RFX2: variants seen among roughly 807,000 people sequenced by gnomAD.
RFX2 encodes the protein DNA-binding protein RFX2.
RFX2 carries 20 observed loss-of-function variants against 87.8 expected under a neutral mutation model. The observed-to-expected ratio is 0.23, with a 90% CI of 0.16 to 0.33. The LOEUF (loss-of-function observed/expected upper bound fraction) is 0.33. RFX2 is among the 10% of genes least tolerant of loss of function. The pLI, the probability that RFX2 is intolerant of heterozygous loss-of-function variation, is 1.00. For synonymous variants in RFX2, 397 were observed against 431.3 expected (o/e 0.92, Z 0.98); for missense variants, 767 against 1,012.3 (o/e 0.76, Z 3.29).
At position 6,035,229 on chromosome 19, in the gene RFX2, C is replaced by G. The variant is rs543330794; in HGVS notation, c.522+4751G>C. Reference sequence around the variant, plus strand: ...GGCCTCATGTGGCCTCTGGGTCTTGCAGGAGGAAGGGCCCACTGAGGGCTG... The same window carrying G: ...GGCCTCATGTGGCCTCTGGGTCTTGGAGGAGGAAGGGCCCACTGAGGGCTG... On this transcript the variant is annotated intron_variant, in intron 5 of 17. Coordinates refer to ENST00000303657, the MANE Select transcript of RFX2 (RefSeq NM_000635.4). Among the ~76,000 whole-genome samples, 5 of 152,208 alleles carry G rather than the reference C, an allele frequency of 3.3e-5. No homozygotes were observed. In the South Asian group the frequency reaches 1.0e-3, roughly 32 times the overall value.
At chr19:6,108,709 G>A (rs2144924170) in intron 1 of RFX2, among the ~76,000 whole-genome samples, 2 of 152,302 alleles carry the variant, frequency 1.3e-5, no homozygotes, top group South Asian at 4.1e-4. Flanking sequence ...AAGCCTGGGG[G>A]GGCGGGGGTA....
chr19:6,060,921 C>T (rs1425752219), intron 1 of RFX2, among the ~76,000 whole-genome samples: 1 of 152,106 alleles, frequency 6.6e-6, no homozygotes, highest in Non-Finnish European at 1.5e-5. Flanking sequence ...CTCCGGCTCC[C>T]TTCTCCAGCT....
At chr19:6,108,471 T>C (rs554458851) in intron 1 of RFX2, among the ~76,000 whole-genome samples, 73 of 152,270 alleles carry the variant, frequency 4.8e-4, no homozygotes, top group Non-Finnish European at 8.8e-4. Flanking sequence ...CAGGCAAAAA[T>C]TTTTTTAAAA....
chr19:6,005,656 C>G (rs960511716), intron 12 of RFX2, among the ~76,000 whole-genome samples: 3 of 152,206 alleles, frequency 2.0e-5, no homozygotes, highest in Non-Finnish European at 2.9e-5. Context: ...TGGGAAATCA[C>G]AGGGTGGGGC....
rs925351619 is a variant in RFX2 at position 6,040,486 on chromosome 19, G to A, written c.261-245C>T. ...ACCACTTAAAAATTCTAGGCCAGGC[G>A]TGGTGGCTCACGCCTGTAATCCCAG... On this transcript the variant is annotated intron_variant, in intron 4 of 17. Transcript: ENST00000303657. The surrounding 1 kb of genome is among the most constrained non-coding windows in gnomAD (Gnocchi z 6.1). Among the ~76,000 whole-genome samples the A allele has an allele frequency of 6.6e-6, 1 of 152,216 alleles. No individual in the cohort carries two copies. Among genetic ancestry groups the A allele is most frequent in the Admixed American group, 6.5e-5 (1 of 15,282 alleles).
In RFX2 at chr19:6,022,742, G is replaced by A. The variant is rs1386700193; in HGVS notation, c.597+3421C>T. On this transcript the variant is annotated intron_variant, in intron 6 of 17. Coordinates refer to ENST00000303657, the MANE Select transcript of RFX2 (RefSeq NM_000635.4). This position sits in a 1 kb window ranked among gnomAD's most constrained non-coding sequence, Gnocchi z 6.2. ...CCTCCTCCTCCCTGGGAGTTTCCACGCCAGGCTGACCATCAGCTGGCTGGA... is the reference window on the plus strand; with the variant it reads ...CCTCCTCCTCCCTGGGAGTTTCCACACCAGGCTGACCATCAGCTGGCTGGA... Among the ~76,000 whole-genome samples the A allele has an allele frequency of 6.6e-6, 1 of 152,182 alleles. No individual in the cohort carries two copies. Among genetic ancestry groups the A allele is most frequent in the South Asian group, 2.1e-4 (1 of 4,834 alleles).
At chr19:6,032,641 C>T (rs985528423) in intron 5 of RFX2, among the ~76,000 whole-genome samples, 1 of 152,190 alleles carries the variant, frequency 6.6e-6, no homozygotes, top group Admixed American at 6.5e-5. Context: ...GCAGGGGGAG[C>T]CCCCACCAAT....
intron 7 of RFX2, among the ~76,000 whole-genome samples, chr19:6,014,858 C>A (rs779749613): frequency 6.6e-6 from 1 of 152,168 alleles, no homozygotes; most frequent in African/African-American, 2.4e-5. Flanking sequence ...ACCGCCACGC[C>A]GTTTATAGAC....
chr19:5,995,035 C>A, intron 17 of RFX2, 85 bp from the exon 18 acceptor site: 1 of 1,079,872 alleles, frequency 9.3e-7, no homozygotes, highest in Non-Finnish European at 1.4e-6. Flanking sequence ...AGAACTGCTC[C>A]GGCACGCCAG....
chr19:6,007,207 A>G lies in RFX2; in HGVS notation c.1248-41T>C, dbSNP rs1188558073. ...GGACAGGTGAGCTGTGGCCTGGCCC[A>G]GGTGGGCTCACTCAGCCACGGGAGC... On this transcript the variant is annotated intron_variant, in intron 11 of 17. Transcript: ENST00000303657. This position sits in a 1 kb window ranked among gnomAD's most constrained non-coding sequence, Gnocchi z 8.2. 2 of 1,595,014 alleles carry G rather than the reference A, an allele frequency of 1.3e-6. No individual in the cohort carries two copies. The highest frequency in any genetic ancestry group is 1.1e-5 in the South Asian group (1 of 89,930).
intron 5 of RFX2, among the ~76,000 whole-genome samples, chr19:6,030,853 G>A (rs2086945249): frequency 6.6e-6 from 1 of 152,312 alleles, no homozygotes; most frequent in African/African-American, 2.4e-5. Context: ...GTATGGTTTT[G>A]TAACATCATA....
chr19:6,025,000 G>A lies in RFX2; in HGVS notation c.597+1163C>T, dbSNP rs2086868274. Among the ~76,000 whole-genome samples the A allele has an allele frequency of 6.6e-6, 1 of 152,162 alleles. No individual in the cohort carries two copies. The highest frequency in any genetic ancestry group is 2.4e-5 in the African/African-American group (1 of 41,428). Reference sequence around the variant, plus strand: ...ACGGTGATGACTGGGGTCCACTGAAGGGGACTTCTTCTCTGATGTCTGAAT... The same window carrying A: ...ACGGTGATGACTGGGGTCCACTGAAAGGGACTTCTTCTCTGATGTCTGAAT... On this transcript the variant is annotated intron_variant, in intron 6 of 17. Coordinates refer to ENST00000303657, the MANE Select transcript of RFX2 (RefSeq NM_000635.4). The surrounding 1 kb of genome is among the most constrained non-coding windows in gnomAD (Gnocchi z 5.0).
rs529848297 is a variant in RFX2 at position 6,045,586 on chromosome 19, A to C, written c.91-1304T>G. ...CCATATGTGCAAGAAATAAAAGCTA[A>C]AGATGTCTGACCATACACACTACAT... On this transcript the variant is annotated intron_variant, in intron 2 of 17. Transcript: ENST00000303657. The surrounding 1 kb of genome is among the most constrained non-coding windows in gnomAD (Gnocchi z 5.2). Among the ~76,000 whole-genome samples the C allele has an allele frequency of 7.9e-5, 12 of 152,162 alleles. No homozygotes were observed. The highest frequency in any genetic ancestry group is 1.5e-4 in the Non-Finnish European group (10 of 68,012).
intron 1 of RFX2, among the ~76,000 whole-genome samples, chr19:6,076,848 T>G (rs1261363837): frequency 6.6e-6 from 1 of 152,256 alleles, no homozygotes; most frequent in African/African-American, 2.4e-5. Context: ...ATGAGCTATA[T>G]TCATTCCAGG....
intron 1 of RFX2, among the ~76,000 whole-genome samples, chr19:6,058,219 C>A (rs1485584088): frequency 2.0e-5 from 3 of 152,162 alleles, no homozygotes; most frequent in Non-Finnish European, 4.4e-5. Context: ...GAGCAGCATC[C>A]CTGGCCTCCG....
intron 1 of RFX2, among the ~76,000 whole-genome samples, chr19:6,069,194 T>G (rs1351188101): frequency 1.3e-5 from 2 of 152,210 alleles, no homozygotes; most frequent in African/African-American, 4.8e-5. Flanking sequence ...GGCTGAGGGG[T>G]GAGCTGGAGC....
chr19:6,081,853 C>T (rs573678599), intron 1 of RFX2, among the ~76,000 whole-genome samples: 62 of 152,106 alleles, frequency 4.1e-4, no homozygotes, highest in Middle Eastern at 3.2e-3. Flanking sequence ...TCTGGGAGGC[C>T]GAGGCGGGCA....
chr19:6,071,873 TA>T (rs1437909827), intron 1 of RFX2: 4 of 152,216 alleles, frequency 2.6e-5, no homozygotes, highest in Non-Finnish European at 5.9e-5. Context: ...TTAAAACCTG[TA>T]AAATATTTTA....
At chr19:6,031,061 C>T (rs919111241) in intron 5 of RFX2, among the ~76,000 whole-genome samples, 7 of 152,172 alleles carry the variant, frequency 4.6e-5, no homozygotes, top group African/African-American at 1.7e-4. Flanking sequence ...TGTTTAAAAA[C>T]TTGAATTTTA....
Sources: allele counts gnomAD v4.1 joint callset (sites outside exome capture counted in the v4.1 genomes callset), GRCh38; gene constraint gnomAD v4.1.1; non-coding constraint Gnocchi (gnomAD v3.1); transcripts MANE v1.5; gene names NCBI Gene and HGNC (gene_info 2026-07-23, HGNC 2026-07-21).